HYAL4: variants seen among roughly 807,000 people sequenced by gnomAD.
HYAL4 encodes the protein hyaluronidase 4.
In HYAL4, 37 loss-of-function variants were observed where a neutral mutation model predicts 35.2. The ratio of observed to expected loss-of-function variants is 1.05; its 90% confidence interval spans 0.81 to 1.38. The LOEUF is 1.38. Ranked by LOEUF, HYAL4 falls within the 40% of genes most tolerant of loss-of-function variation. The pLI is 0.00. For missense variants in HYAL4, 572 were observed against 572.4 expected (o/e 1.00, Z 0.01); for synonymous variants, 198 against 203.2 (o/e 0.97, Z 0.22).
upstream of HYAL4, among the ~76,000 whole-genome samples, chr7:123,825,583 A>G (rs866987974): frequency 2.6e-5 from 4 of 152,130 alleles, no homozygotes; most frequent in Non-Finnish European, 5.9e-5. Flanking sequence ...TTTAGGGTGG[A>G]TATAGTCACA....
At chr7:123,804,102 T>C in the HYAL4 span, among the ~76,000 whole-genome samples, 1 of 152,200 alleles carries the variant, frequency 6.6e-6, no homozygotes, top group Non-Finnish European at 1.5e-5. Flanking sequence ...AAAATGTAGC[T>C]TTCTCCCCTC....
the HYAL4 span, among the ~76,000 whole-genome samples, chr7:123,766,179 C>G: frequency 6.6e-6 from 1 of 152,124 alleles, no homozygotes; most frequent in African/African-American, 2.4e-5. Flanking sequence ...AGGGACATTA[C>G]GCTGGCATCT....
At chr7:123,823,710 A>G in the HYAL4 span, among the ~76,000 whole-genome samples, 10 of 128,356 alleles carry the variant, frequency 7.8e-5, 1 homozygote, top group East Asian at 2.1e-3. Flanking sequence ...ATATATTTAT[A>G]TATATACACA....
chr7:123,774,738 A>G, the HYAL4 span, among the ~76,000 whole-genome samples: 2 of 152,140 alleles, frequency 1.3e-5, no homozygotes, highest in Non-Finnish European at 2.9e-5. Context: ...CTGCCTATTC[A>G]GTTCCTTGAA....
the HYAL4 span, among the ~76,000 whole-genome samples, chr7:123,772,221 T>C: frequency 2.0e-5 from 3 of 152,158 alleles, no homozygotes; most frequent in Non-Finnish European, 2.9e-5. Flanking sequence ...AGCTCCAATA[T>C]GTTTATATAT....
At chr7:123,852,890 G>T (rs1321595722) in intron 2 of HYAL4, among the ~76,000 whole-genome samples, 1 of 152,104 alleles carries the variant, frequency 6.6e-6, no homozygotes, top group Non-Finnish European at 1.5e-5. Context: ...TTTTCCATTT[G>T]TTTGTGTCCT....
At chr7:123,811,862 G>T in the HYAL4 span, among the ~76,000 whole-genome samples, 1 of 151,970 alleles carries the variant, frequency 6.6e-6, no homozygotes. Flanking sequence ...TGTTGTCGGA[G>T]AGGGAGTCTC....
chr7:123,838,588 TTAGA>T (rs1806005791), intron 1 of HYAL4, among the ~76,000 whole-genome samples: 1 of 152,186 alleles, frequency 6.6e-6, no homozygotes, highest in South Asian at 2.1e-4. Context: ...CATCGTAACT[TTAGA>T]TAACCTGATG....
At chr7:123,836,330 A>G (rs1322666189) in intron 1 of HYAL4, among the ~76,000 whole-genome samples, 1 of 152,110 alleles carries the variant, frequency 6.6e-6, no homozygotes, top group African/African-American at 2.4e-5. Flanking sequence ...TTACTACATC[A>G]TGTCCTTCTT....
chr7:123,785,134 G>A, the HYAL4 span, among the ~76,000 whole-genome samples: 3 of 152,152 alleles, frequency 2.0e-5, no homozygotes, highest in African/African-American at 7.2e-5. This position sits in a 1 kb window ranked among gnomAD's most constrained non-coding sequence, Gnocchi z 4.5. Context: ...GCATGATCAC[G>A]GTTCACTGCA....
At chr7:123,826,080 C>T (rs977081151), upstream of HYAL4, among the ~76,000 whole-genome samples, 2 of 151,806 alleles carry the variant, frequency 1.3e-5, no homozygotes, top group Non-Finnish European at 2.9e-5. Flanking sequence ...GTGCACATTT[C>T]TTTGGATAAA....
At chr7:123,825,244 C>T (rs1346964482), upstream of HYAL4, among the ~76,000 whole-genome samples, 1 of 151,878 alleles carries the variant, frequency 6.6e-6, no homozygotes, top group African/African-American at 2.4e-5. Context: ...TAACAGGTTT[C>T]CCCTAATTGA....
the HYAL4 span, among the ~76,000 whole-genome samples, chr7:123,809,278 C>G: frequency 3.6e-4 from 55 of 152,272 alleles, no homozygotes; most frequent in African/African-American, 1.3e-3. Context: ...TCAAATACAT[C>G]TTCTCTGAGT....
In HYAL4 at chr7:123,868,805, G is replaced by T; in HGVS notation, c.532G>T (p.Val178Leu). 6.2e-7 allele frequency: 1 copy of T among 1,614,210 alleles called. No individual in the cohort carries two copies. Among genetic ancestry groups the T allele is most frequent in the Non-Finnish European group, 8.5e-7 (1 of 1,180,028 alleles). The change falls in exon 3 of 5, where the codon GTA becomes TTA. Residue 178 changes from valine to leucine, a missense_variant. Physicochemically the swap from Val to Leu is conservative, Grantham distance 32 (BLOSUM62 1). Coordinates refer to ENST00000223026, the MANE Select transcript of HYAL4 (RefSeq NM_012269.3). The part of the protein sequence containing the change: ...RKLISDMGKN[V>L]SATDIEYLAK... Reference sequence around the variant, plus strand: ...GCTTATTTCCGATATGGGAAAGAATGTATCAGCTACCGATATTGAATATTT... The same window carrying T: ...GCTTATTTCCGATATGGGAAAGAATTTATCAGCTACCGATATTGAATATTT...
chr7:123,857,665 G>GTTTCTTTCTTTCTTTCTTTC (rs71163707), intron 2 of HYAL4, among the ~76,000 whole-genome samples: 4 of 95,506 alleles, frequency 4.2e-5, no homozygotes, highest in African/African-American at 7.2e-5. Flanking sequence ...TTCTTTCTTT[G>GTTTCTTTCTTTCTTTCTTTC]TTTGTTTCTT....
chr7:123,834,228 T>C (rs563823903), intron 1 of HYAL4, among the ~76,000 whole-genome samples: 1 of 152,274 alleles, frequency 6.6e-6, no homozygotes, highest in East Asian at 1.9e-4. Flanking sequence ...ATGGGATGTG[T>C]TTCTTTTTGT....
upstream of HYAL4, among the ~76,000 whole-genome samples, chr7:123,824,218 A>C (rs753634778): frequency 2.2e-4 from 33 of 152,172 alleles, no homozygotes; most frequent in Admixed American, 2.2e-3. Context: ...TTTTATGAGA[A>C]TTACACTATT....
intron 2 of HYAL4, among the ~76,000 whole-genome samples, chr7:123,862,205 A>G (rs564323561): frequency 6.6e-6 from 1 of 152,306 alleles, no homozygotes; most frequent in East Asian, 1.9e-4. Flanking sequence ...ATATATGAGT[A>G]TATATATTTT....
downstream of HYAL4, chr7:123,877,481 CTG>C (rs534879222): frequency 2.9e-4 from 54 of 188,326 alleles, no homozygotes; most frequent in Non-Finnish European, 4.4e-4. Context: ...ATTTCAAAGA[CTG>C]TTTTTTCAAG....
Sources: gnomAD v4.1 joint callset for allele counts (sites outside exome capture counted in the v4.1 genomes callset) on GRCh38, gnomAD v4.1.1 for gene constraint, Gnocchi (gnomAD v3.1) non-coding constraint, MANE v1.5 for transcripts, NCBI Gene and HGNC (gene_info 2026-07-23, HGNC 2026-07-21) for gene names.